ZFHX3: variants seen among roughly 807,000 people sequenced by gnomAD.
ZFHX3 encodes the protein zinc finger homeobox protein 3.
In ZFHX3, 42 loss-of-function variants were observed where a neutral mutation model predicts 279.1. The observed-to-expected ratio is 0.15, with a 90% confidence interval of 0.12 to 0.19. ZFHX3 has a LOEUF of 0.19. Among genes scored for constraint, ZFHX3 ranks in the 10% least tolerant of loss-of-function variants. The pLI is 1.00. For synonymous variants in ZFHX3, 2,293 were observed against 1,957.8 expected, an observed-to-expected ratio of 1.17 and a Z score of -4.52; for missense variants, 4,981 against 4,754.0, an observed-to-expected ratio of 1.05 and a Z score of -1.40.
intron 1 of ZFHX3, chr16:73,809,603 G>C (rs1960374663): frequency 6.6e-6 from 1 of 152,160 alleles, no homozygotes; most frequent in African/African-American, 2.4e-5. Flanking sequence ...GGGGGAGTCG[G>C]TGGAATACAG....
At chr16:73,479,265 C>T (rs75348577) in intron 2 of ZFHX3, among the ~76,000 whole-genome samples, 2 of 152,122 alleles carry the variant, frequency 1.3e-5, no homozygotes, top group East Asian at 3.9e-4. Flanking sequence ...AACCTCCAGA[C>T]CCAGCAGCTG....
chr16:73,298,360 T>A (rs2014972406), intron 4 of ZFHX3, among the ~76,000 whole-genome samples: 2 of 151,986 alleles, frequency 1.3e-5, no homozygotes, highest in Admixed American at 1.3e-4. Context: ...AATTTTGTAT[T>A]TTTAGTAGAG....
intron 1 of ZFHX3, among the ~76,000 whole-genome samples, chr16:73,724,687 G>C (rs1385941298): frequency 6.6e-6 from 1 of 152,202 alleles, no homozygotes; most frequent in East Asian, 1.9e-4. Context: ...AAATTCCTCT[G>C]CCTAGCAACT....
rs367651837 is a variant in ZFHX3, at chr16:72,959,069, G to T, written c.1077C>A (p.Gly359=). The change falls in exon 2 of 10, where the codon GGC becomes GGA. Residue 359 remains glycine, a synonymous_variant. Coordinates refer to ENST00000268489, the MANE Select transcript of ZFHX3 (RefSeq NM_006885.4). ...HPLVSTANLI[G]PGHSFYGKFS... is the part of the protein sequence containing the mutation. The stretch of plus-strand genomic sequence containing the variant: ...ATTTACCATAAAAACTGTGTCCGGG[G>T]CCTATGAGGTTAGCTGTGGAAACTA... The T allele has an allele frequency of 1.6e-5, 26 of 1,614,206 alleles. 1 individual carries two copies. In the East Asian group the frequency reaches 5.6e-4, roughly 35 times the overall value.
chr16:73,098,787 T>A (rs1477379482), intron 7 of ZFHX3: 1 of 152,238 alleles, frequency 6.6e-6, no homozygotes, highest in Non-Finnish European at 1.5e-5. Flanking sequence ...TGCCTGGGAA[T>A]TCCTCTCTGA....
chr16:73,059,392 A>ACACACACG lies in ZFHX3; in HGVS notation c.-887_-886insCGTGTGTG, dbSNP rs1965648247. 3.5e-5 allele frequency: 5 copies of ACACACACG among 142,574 alleles called. No individual in the cohort carries two copies. In the Admixed American group the frequency reaches 3.7e-4, roughly 10 times the overall value. The allele number at this position is 142,574 out of a possible 1,614,324, so 8.8% of individuals were successfully genotyped here. On this transcript the variant is annotated 5_prime_UTR_variant, in exon 1 of 9. Coordinates refer to the ZFHX3 transcript ENST00000397992. ...CGCGCGCACACACACACACACACAC[A>ACACACACG]CACACGCACACACACACCGAGAAGT... is the stretch of plus-strand genomic sequence containing the variant.
intron 6 of ZFHX3, among the ~76,000 whole-genome samples, chr16:73,142,502 T>C (rs1966850184): frequency 6.6e-6 from 1 of 152,074 alleles, no homozygotes; most frequent in Non-Finnish European, 1.5e-5. Context: ...AATCTGTTTC[T>C]CCCCCCATCG....
At chr16:73,581,759 C>G (rs915336679) in intron 2 of ZFHX3, among the ~76,000 whole-genome samples, 3 of 148,892 alleles carry the variant, frequency 2.0e-5, no homozygotes, top group African/African-American at 7.5e-5. Flanking sequence ...CAACCTCCAC[C>G]TCCCGGGTTC....
At chr16:73,846,368 C>T (rs1961448525) in intron 1 of ZFHX3, among the ~76,000 whole-genome samples, 1 of 152,098 alleles carries the variant, frequency 6.6e-6, no homozygotes, top group African/African-American at 2.4e-5. Flanking sequence ...CATGAATGAG[C>T]CAATTAAAGA....
chr16:73,601,729 C>CT (rs1313875127), intron 2 of ZFHX3, among the ~76,000 whole-genome samples: 10 of 152,064 alleles, frequency 6.6e-5, no homozygotes, highest in Non-Finnish European at 1.0e-4. Flanking sequence ...ACTTCTAGAG[C>CT]TTTTTTCAAT....
intron 2 of ZFHX3, among the ~76,000 whole-genome samples, chr16:73,515,406 G>A (rs2019502340): frequency 6.6e-6 from 1 of 151,946 alleles, no homozygotes; most frequent in East Asian, 1.9e-4. Flanking sequence ...CTAGGATGGA[G>A]AAGCAGATGG....
At chr16:73,819,054 T>G (rs906857116) in intron 1 of ZFHX3, among the ~76,000 whole-genome samples, 7 of 152,162 alleles carry the variant, frequency 4.6e-5, no homozygotes, top group African/African-American at 1.7e-4. Context: ...CCTGTGCAAC[T>G]GGGTGCTCCT....
chr16:73,039,525 A>G (rs1439215853), intron 1 of ZFHX3, among the ~76,000 whole-genome samples: 3 of 152,158 alleles, frequency 2.0e-5, no homozygotes, highest in Non-Finnish European at 2.9e-5. Context: ...TGATTGTCAC[A>G]TCAAGGGAAG....
intron 5 of ZFHX3, among the ~76,000 whole-genome samples, chr16:72,819,046 T>A (rs2036701028): frequency 6.6e-6 from 1 of 152,218 alleles, no homozygotes; most frequent in African/African-American, 2.4e-5. Context: ...TTGTTATTAT[T>A]ACGATTTTAC....
chr16:73,269,907 C>A (rs1334223332), intron 4 of ZFHX3, among the ~76,000 whole-genome samples: 1 of 152,024 alleles, frequency 6.6e-6, no homozygotes, highest in Non-Finnish European at 1.5e-5. Flanking sequence ...CGCCACCATG[C>A]CTGGCTAATT....
At position 73,794,594 on chromosome 16, in the gene ZFHX3, C is replaced by G. The variant is rs572456556; in HGVS notation, c.-1608+97057G>C. Among the ~76,000 whole-genome samples the G allele has an allele frequency of 7.9e-4, 120 of 152,256 alleles. 1 individual carries two copies. In the South Asian group the frequency reaches 0.023, roughly 29 times the overall value. ...TCCTGAGAGGGGACATAGGGACCCC[C>G]CCTTTGCAAATGACGCAACTGAGGC... On this transcript the variant is annotated intron_variant, in intron 1 of 17. Transcript: ENST00000641206.
At chr16:73,843,263 C>G (rs1007504502) in intron 1 of ZFHX3, among the ~76,000 whole-genome samples, 2 of 152,148 alleles carry the variant, frequency 1.3e-5, no homozygotes, top group African/African-American at 4.8e-5. Context: ...GTCAATCACG[C>G]CAATAGAAAG....
intron 3 of ZFHX3, among the ~76,000 whole-genome samples, chr16:73,447,511 C>G (rs182458926): frequency 6.6e-6 from 1 of 152,206 alleles, no homozygotes; most frequent in East Asian, 1.9e-4. Context: ...GAGTCAGGAA[C>G]ATAATTTCAA....
At chr16:73,601,043 T>C (rs1203476280) in intron 2 of ZFHX3, among the ~76,000 whole-genome samples, 1 of 152,046 alleles carries the variant, frequency 6.6e-6, no homozygotes, top group Non-Finnish European at 1.5e-5. Flanking sequence ...AGTGTTTTAT[T>C]AGCAAATACA....
Sources: gnomAD v4.1 joint callset for allele counts (sites outside exome capture counted in the v4.1 genomes callset) on GRCh38, gnomAD v4.1.1 for gene constraint, MANE v1.5 for transcripts, NCBI Gene and HGNC (gene_info 2026-07-23, HGNC 2026-07-21) for gene names.